ERC2: variants seen among roughly 807,000 people sequenced by gnomAD.
ERC2 encodes ELKS/RAB6-interacting/CAST family member 2, also known as ERC protein 2.
ERC2 carries 42 observed loss-of-function variants against 114.8 expected under a neutral mutation model. The observed-to-expected ratio is 0.37, with a 90% CI of 0.29 to 0.47. The LOEUF (loss-of-function observed/expected upper bound fraction) is 0.47. ERC2 is among the 20% of genes least tolerant of loss of function. ERC2 has a pLI of 0.99. For synonymous variants in ERC2, 454 were observed against 425.5 expected (o/e 1.07, Z -0.82); for missense variants, 939 against 1,150.7 (o/e 0.82, Z 2.66).
chr3:55,519,059 G>A (rs978237039), intron 17 of ERC2, among the ~76,000 whole-genome samples: 9 of 152,316 alleles, frequency 5.9e-5, no homozygotes, highest in Admixed American at 2.0e-4. Flanking sequence ...TCTGGAAAGA[G>A]GGGGATGTCC....
intron 13 of ERC2, among the ~76,000 whole-genome samples, chr3:55,945,937 C>T (rs2067097213): frequency 6.6e-6 from 1 of 152,000 alleles, no homozygotes; most frequent in Non-Finnish European, 1.5e-5. Context: ...TTGGCTTGTA[C>T]ATTTTTTAGA....
intron 2 of ERC2, among the ~76,000 whole-genome samples, chr3:56,402,312 T>C (rs879907005): frequency 1.1e-4 from 16 of 152,190 alleles, no homozygotes; most frequent in Non-Finnish European, 2.2e-4. Flanking sequence ...GGTAGTAACT[T>C]CTAGGTCTTC....
At chr3:56,306,671 A>G (rs2056245148) in intron 2 of ERC2, among the ~76,000 whole-genome samples, 1 of 152,160 alleles carries the variant, frequency 6.6e-6, no homozygotes, top group Non-Finnish European at 1.5e-5. Flanking sequence ...ATATACCATA[A>G]TTTACATACG....
chr3:55,997,895 TTTTTTTTTTTTTGTGTG>T (rs2071673090), intron 10 of ERC2, among the ~76,000 whole-genome samples: 1 of 53,910 alleles, frequency 1.9e-5, no homozygotes, highest in African/African-American at 5.9e-5. Context: ...TTTTTTTTTT[TTTTTTTTTTTTTGTGTG>T]TGTGTGTGTG....
At position 55,560,929 on chromosome 3, in the gene ERC2, T is replaced by C. The variant is rs192923247; in HGVS notation, c.*40-49653A>G. On this transcript the variant is annotated intron_variant, in intron 17 of 17. Transcript: ENST00000288221. ...GCAGATTATTGGCCCAGTAAGCCCC[T>C]AATATTCCTTTAGTGAGTACACGGA... Among the ~76,000 whole-genome samples the C allele has an allele frequency of 6.5e-3, 990 of 152,276 alleles. 6 individuals are homozygous for C. The highest frequency in any genetic ancestry group is 0.012 in the Admixed American group (176 of 15,290).
chr3:55,765,476 T>C (rs1216686679), intron 14 of ERC2, among the ~76,000 whole-genome samples: 1 of 152,220 alleles, frequency 6.6e-6, no homozygotes, highest in Non-Finnish European at 1.5e-5. Flanking sequence ...TCCCAGGGTC[T>C]AAGAGAGCTA....
intron 2 of ERC2, among the ~76,000 whole-genome samples, chr3:56,316,358 A>G (rs2056861359): frequency 6.6e-6 from 1 of 152,186 alleles, no homozygotes; most frequent in Non-Finnish European, 1.5e-5. Flanking sequence ...CTGCGAAGCA[A>G]CTCTTCACTC....
intron 1 of ERC2, among the ~76,000 whole-genome samples, chr3:56,453,182 G>A (rs376070321): frequency 3.3e-5 from 5 of 152,308 alleles, no homozygotes; most frequent in African/African-American, 1.2e-4. Flanking sequence ...CTGCTCCAAT[G>A]ACATCTGGCT....
At chr3:56,136,067 G>T (rs779609963) in intron 6 of ERC2, among the ~76,000 whole-genome samples, 5 of 152,152 alleles carry the variant, frequency 3.3e-5, no homozygotes, top group Admixed American at 6.6e-5. Context: ...ATGTCAGAGT[G>T]TCTGGGCATT....
intron 8 of ERC2, 67 bp downstream of exon 8, chr3:56,018,827 T>C (rs1560032073): frequency 6.5e-7 from 1 of 1,545,530 alleles, no homozygotes; most frequent in Non-Finnish European, 8.8e-7. Context: ...TTAAATGCAT[T>C]GGGATCAACT....
chr3:56,351,264 T>A (rs1189702298), intron 2 of ERC2, among the ~76,000 whole-genome samples: 2 of 152,040 alleles, frequency 1.3e-5, no homozygotes, highest in East Asian at 3.8e-4. Context: ...GCAAAATGAC[T>A]CCCCTTGTAA....
intron 9 of ERC2, among the ~76,000 whole-genome samples, chr3:56,009,106 T>C (rs1326816955): frequency 6.6e-6 from 1 of 152,234 alleles, no homozygotes; most frequent in African/African-American, 2.4e-5. Context: ...TACAAAACTA[T>C]TTTCACTTAC....
chr3:56,272,700 C>G (rs2123179), intron 3 of ERC2, among the ~76,000 whole-genome samples: 52,917 of 151,802 alleles, frequency 0.35, 10,031 homozygotes, highest in Middle Eastern at 0.44. Context: ...AACCCAGGAG[C>G]TGGAGGTTGC....
intron 17 of ERC2, among the ~76,000 whole-genome samples, chr3:55,609,154 CCA>C (rs149660149): frequency 0.035 from 5,372 of 152,288 alleles, 315 homozygotes; most frequent in African/African-American, 0.12. Context: ...AAGTCTTCCA[CCA>C]CAGAATTCAA....
intron 2 of ERC2, among the ~76,000 whole-genome samples, chr3:56,334,952 G>A (rs1327262512): frequency 1.3e-5 from 2 of 152,102 alleles, no homozygotes; most frequent in African/African-American, 2.4e-5. Flanking sequence ...CTACAGGCAC[G>A]TGCCACCATG....
chr3:55,921,364 G>A (rs1028804960), intron 13 of ERC2, among the ~76,000 whole-genome samples: 3 of 152,072 alleles, frequency 2.0e-5, no homozygotes, highest in Admixed American at 6.6e-5. Flanking sequence ...ATCTAGCTCT[G>A]AGAATTGCCT....
chr3:55,705,546 T>G (rs575891272), intron 15 of ERC2, among the ~76,000 whole-genome samples: 1 of 152,302 alleles, frequency 6.6e-6, no homozygotes, highest in East Asian at 1.9e-4. Flanking sequence ...CACAGCCATA[T>G]ACTCACCCAT....
chr3:55,927,109 T>A (rs921624693), intron 13 of ERC2, among the ~76,000 whole-genome samples: 1 of 152,194 alleles, frequency 6.6e-6, no homozygotes, highest in African/African-American at 2.4e-5. Flanking sequence ...CTTGCCTCAT[T>A]AGAAGCTTTC....
At chr3:55,554,071 T>G (rs954249001) in intron 17 of ERC2, among the ~76,000 whole-genome samples, 7 of 152,224 alleles carry the variant, frequency 4.6e-5, no homozygotes, top group African/African-American at 1.7e-4. Context: ...ATGTCTTTTA[T>G]GAAGTATCTA....
Sources: allele counts gnomAD v4.1 joint callset (sites outside exome capture counted in the v4.1 genomes callset), GRCh38; gene constraint gnomAD v4.1.1; transcripts MANE v1.5; gene names NCBI Gene and HGNC (gene_info 2026-07-23, HGNC 2026-07-21).